Variants in PAPOLA observed in about 807,000 individuals in gnomAD.
PAPOLA encodes the protein poly(A) polymerase alpha, also known as polynucleotide adenylyltransferase alpha.
PAPOLA carries 15 observed loss-of-function variants against 100.6 expected under a neutral mutation model. The ratio of observed to expected loss-of-function variants is 0.15; its 90% CI spans 0.10 to 0.23. The LOEUF (loss-of-function observed/expected upper bound fraction) is 0.23. Among genes scored for constraint, PAPOLA ranks in the 10% least tolerant of loss-of-function variants. The probability of loss-of-function intolerance (pLI) is 1.00; values close to 1 mark genes in which losing one functional copy is unlikely to be tolerated. For synonymous variants in PAPOLA, 293 were observed against 300.0 expected (o/e 0.98, Z 0.24); for missense variants, 533 against 884.2 (o/e 0.60, Z 5.04).
At chr14:96,525,259 A>G (rs1352333279) in intron 3 of PAPOLA, 51 bp from the exon 4 acceptor site, 2 of 820,330 alleles carry the variant, frequency 2.4e-6, no homozygotes, top group Non-Finnish European at 4.3e-6. Flanking sequence ...TATCATTTGA[A>G]TAGTTTCCCT....
At chr14:96,513,716 T>TC (rs1897251789) in intron 1 of PAPOLA, among the ~76,000 whole-genome samples, 1 of 152,196 alleles carries the variant, frequency 6.6e-6, no homozygotes, top group South Asian at 2.1e-4. Context: ...TTAATTTGCT[T>TC]CCCTGATATG....
At chr14:96,512,450 A>G (rs1897168782) in intron 1 of PAPOLA, among the ~76,000 whole-genome samples, 1 of 152,156 alleles carries the variant, frequency 6.6e-6, no homozygotes, top group South Asian at 2.1e-4. Flanking sequence ...CAGTATAGAG[A>G]TGATTATTAT....
chr14:96,516,996 A>G (rs1355717240), intron 1 of PAPOLA, among the ~76,000 whole-genome samples: 1 of 152,196 alleles, frequency 6.6e-6, no homozygotes, highest in Non-Finnish European at 1.5e-5. Flanking sequence ...TGTTTTTTTA[A>G]TGATCCAAAC....
intron 6 of PAPOLA, among the ~76,000 whole-genome samples, 167 bp downstream of exon 6, chr14:96,528,173 A>G (rs1029398531): frequency 1.3e-5 from 2 of 152,240 alleles, no homozygotes; most frequent in Non-Finnish European, 2.9e-5. Flanking sequence ...AGAATATACC[A>G]TTTTAAATCT....
chr14:96,528,399 T>C (rs778173048), intron 6 of PAPOLA, among the ~76,000 whole-genome samples: 3 of 152,240 alleles, frequency 2.0e-5, no homozygotes, highest in Middle Eastern at 3.2e-3. Flanking sequence ...TGCTGAAATA[T>C]CTTCCGATAG....
chr14:96,524,052 T>G (rs982712173), intron 3 of PAPOLA, among the ~76,000 whole-genome samples: 1 of 152,172 alleles, frequency 6.6e-6, no homozygotes, highest in Non-Finnish European at 1.5e-5. Context: ...GAACTTGGCT[T>G]TAGGGTTTTT....
chr14:96,559,280 A>G lies in PAPOLA; in HGVS notation c.2005-1369A>G, dbSNP rs1595560290. Reference sequence around the variant, plus strand: ...AAAGAAATTTGCTGTGGTAGAAGTAATCCTGATTTTGAAGCCCTTCTTAAT... The same window carrying G: ...AAAGAAATTTGCTGTGGTAGAAGTAGTCCTGATTTTGAAGCCCTTCTTAAT... On this transcript the variant is annotated intron_variant, in intron 19 of 21. Transcript: ENST00000216277. Among the ~76,000 whole-genome samples, 6 of 151,988 alleles carry G rather than the reference A, an allele frequency of 3.9e-5. No homozygotes were observed. In the South Asian group the frequency reaches 1.2e-3, roughly 32 times the overall value.
rs375208787 is a variant in PAPOLA at position 96,511,510 on chromosome 14, G to A, written c.9-8545G>A. 2.2e-4 allele frequency among the ~76,000 whole-genome samples: 34 copies of A among 152,154 alleles called. No homozygotes were observed. In the South Asian group the frequency reaches 6.8e-3, roughly 31 times the overall value. On this transcript the variant is annotated intron_variant, in intron 1 of 21. Transcript: ENST00000216277. The stretch of plus-strand genomic sequence containing the variant: ...TGTGTTAGTCGTCTGCCTAGATTAC[G>A]CCTCTCCTTTCCGATCATTTACTGT...
chr14:96,543,584 AAG>A (rs1900166121), intron 14 of PAPOLA, among the ~76,000 whole-genome samples: 4 of 146,832 alleles, frequency 2.7e-5, no homozygotes, highest in South Asian at 2.2e-4. Flanking sequence ...GTAATTATAT[AAG>A]AGTTTTTTTA....
intron 1 of PAPOLA, among the ~76,000 whole-genome samples, chr14:96,511,275 C>G (rs1897091046): frequency 6.6e-6 from 1 of 152,082 alleles, no homozygotes; most frequent in Admixed American, 6.6e-5. Context: ...TAAATTGAGA[C>G]ACAGGCGGGC....
At chr14:96,513,904 CT>C (rs1463160036) in intron 1 of PAPOLA, among the ~76,000 whole-genome samples, 3 of 152,040 alleles carry the variant, frequency 2.0e-5, no homozygotes, top group Non-Finnish European at 4.4e-5. Context: ...GTTTTTATGG[CT>C]TTTGCGTTCC....
At chr14:96,562,696 C>T (rs943782767) in intron 20 of PAPOLA, 123 bp from the exon 21 acceptor site, 1 of 609,630 alleles carries the variant, frequency 1.6e-6, no homozygotes, top group African/African-American at 1.9e-5. Flanking sequence ...AATGTAGTCA[C>T]ATCTTTCTCT....
chr14:96,533,149 T>C, intron 9 of PAPOLA: 1 of 984,082 alleles, frequency 1.0e-6, no homozygotes, highest in Non-Finnish European at 1.2e-6. Context: ...AAAAAAGGAA[T>C]TTGAGATTAG....
At chr14:96,532,142 T>C (rs949271608) in intron 7 of PAPOLA, 189 bp from the exon 8 acceptor site, 1 of 1,376,788 alleles carries the variant, frequency 7.3e-7, no homozygotes, top group African/African-American at 1.5e-5. Context: ...TTAGATTTTT[T>C]CCCCCTCTTT....
In PAPOLA at chr14:96,533,195, A is replaced by G. The variant is rs1010628580; in HGVS notation, c.836+546A>G. 1.8e-5 allele frequency: 18 copies of G among 983,284 alleles called. No individual in the cohort carries two copies. In the African/African-American group the frequency reaches 3.0e-4, roughly 16 times the overall value. 60.9% of individuals were successfully genotyped at this position (983,284 alleles called of 1,614,324 possible). On this transcript the variant is annotated intron_variant, in intron 9 of 21. Coordinates refer to ENST00000216277, the MANE Select transcript of PAPOLA (RefSeq NM_032632.5). The stretch of plus-strand genomic sequence containing the variant: ...AGATTTTTTTAAGTTTCTTCGTTTC[A>G]TTTCCACATATGTCAACTATGATTT...
At chr14:96,503,135 C>T (rs925806702) in intron 1 of PAPOLA, among the ~76,000 whole-genome samples, 2 of 152,322 alleles carry the variant, frequency 1.3e-5, no homozygotes, top group South Asian at 2.1e-4. Flanking sequence ...TTTCCACTGA[C>T]CTTGTCTGAA....
At chr14:96,534,919 T>C (rs1595531987) in intron 10 of PAPOLA, 1 of 1,008,238 alleles carries the variant, frequency 9.9e-7, no homozygotes, top group Admixed American at 5.5e-5. Flanking sequence ...TATCTAAGTA[T>C]TATGCTAAAG....
At chr14:96,533,115 AATTAAC>A (rs1249537804) in intron 9 of PAPOLA, 2 of 981,674 alleles carry the variant, frequency 2.0e-6, no homozygotes, top group Non-Finnish European at 2.4e-6. Flanking sequence ...TTAAAGAATA[AATTAAC>A]ATTAAGTGCT....
intron 1 of PAPOLA, among the ~76,000 whole-genome samples, chr14:96,513,565 C>T (rs1472528767): frequency 6.6e-6 from 1 of 152,020 alleles, no homozygotes; most frequent in Admixed American, 6.6e-5. Context: ...ATCATATTGC[C>T]TTTTAAAATG....
Sources: gnomAD v4.1 joint callset for allele counts (sites outside exome capture counted in the v4.1 genomes callset) on GRCh38, gnomAD v4.1.1 for gene constraint, MANE v1.5 for transcripts, NCBI Gene and HGNC (gene_info 2026-07-23, HGNC 2026-07-21) for gene names.